The following RDX variants were observed in gnomAD, a reference collection of about 807,000 sequenced individuals.
RDX encodes deafness, autosomal recessive 24.
RDX carries 32 observed loss-of-function variants against 83.7 expected under a neutral mutation model. That is an observed-to-expected ratio of 0.38 (90% CI 0.29 to 0.51). The LOEUF (loss-of-function observed/expected upper bound fraction) is 0.51. RDX is among the 20% of genes least tolerant of loss of function. The pLI is 0.87. For synonymous variants in RDX, 229 were observed against 222.7 expected (o/e 1.03, Z -0.25); for missense variants, 600 against 689.9 (o/e 0.87, Z 1.46).
chr11:110,257,950 G>A (rs751540667), intron 6 of RDX, 37 bp from the exon 7 acceptor site: 2 of 1,593,926 alleles, frequency 1.3e-6, no homozygotes, highest in South Asian at 2.2e-5. Flanking sequence ...TATTTAAGTA[G>A]GAGCATATCA....
At chr11:110,224,890 A>C (rs913903980), downstream of RDX, among the ~76,000 whole-genome samples, 2 of 152,296 alleles carry the variant, frequency 1.3e-5, no homozygotes, top group African/African-American at 4.8e-5. Flanking sequence ...TATACTTTAC[A>C]TCACAACATG....
At chr11:110,246,301 C>CT (rs1468958971) in intron 10 of RDX, among the ~76,000 whole-genome samples, 13 of 152,228 alleles carry the variant, frequency 8.5e-5, no homozygotes, top group Admixed American at 5.9e-4. Context: ...GCTTTCCCCT[C>CT]TAGCTACTCT....
chr11:110,291,441 T>C (rs1330122092), intron 1 of RDX, among the ~76,000 whole-genome samples: 1 of 152,192 alleles, frequency 6.6e-6, no homozygotes, highest in Non-Finnish European at 1.5e-5. Context: ...CCATTACCCT[T>C]GCCAGTTGAC....
intron 3 of RDX, among the ~76,000 whole-genome samples, chr11:110,268,118 G>A (rs371264233): frequency 8.5e-5 from 13 of 152,128 alleles, no homozygotes; most frequent in African/African-American, 3.1e-4. Context: ...AACCAGCCTG[G>A]CCAACATGGT....
At chr11:110,284,599 C>A (rs1368724460) in intron 1 of RDX, among the ~76,000 whole-genome samples, 1 of 151,728 alleles carries the variant, frequency 6.6e-6, no homozygotes, top group African/African-American at 2.4e-5. Context: ...CGGCTCACTG[C>A]AAGCTCTGCC....
At chr11:110,192,124 CAACTTCA>C (rs1287330412) in intron 15 of RDX, among the ~76,000 whole-genome samples, 1 of 152,096 alleles carries the variant, frequency 6.6e-6, no homozygotes, top group Non-Finnish European at 1.5e-5. Context: ...TCACGTAACC[CAACTTCA>C]AACTATACTG....
intron 6 of RDX, 40 bp from the exon 7 acceptor site, chr11:110,257,953 G>C: frequency 6.3e-7 from 1 of 1,591,130 alleles, no homozygotes; most frequent in Non-Finnish European, 8.6e-7. Context: ...TTAAGTAGGA[G>C]CATATCAAAC....
chr11:110,296,340 G>A (rs1591197511), intron 1 of RDX, 127 bp downstream of exon 1: 2 of 151,980 alleles, frequency 1.3e-5, no homozygotes, highest in East Asian at 3.9e-4. Context: ...GCGAGCGGAG[G>A]CGCGCCAAGC....
chr11:110,194,592 T>C (rs1323514786), intron 15 of RDX, among the ~76,000 whole-genome samples: 2 of 152,322 alleles, frequency 1.3e-5, no homozygotes, highest in East Asian at 1.9e-4. Flanking sequence ...CTTCCACTTA[T>C]AATCAAGGAG....
chr11:110,181,127 G>A (rs1162364477), intron 15 of RDX, among the ~76,000 whole-genome samples: 1 of 150,820 alleles, frequency 6.6e-6, no homozygotes, highest in Non-Finnish European at 1.5e-5. Flanking sequence ...CAGGACCCAG[G>A]CTACACACAC....
chr11:110,254,128 G>A lies in RDX; in HGVS notation c.796-19C>T. On this transcript the variant is annotated intron_variant, in intron 8 of 13. Coordinates refer to ENST00000645495, the MANE Select transcript of RDX (RefSeq NM_002906.4). ...CAAAATCCTAAACATAAAGTATTCT[G>A]AATTTAAAATCTTCCTCAAGGATAC... The A allele has an allele frequency of 2.5e-6, 4 of 1,605,994 alleles. No homozygotes were observed. The highest frequency in any genetic ancestry group is 1.1e-5 in the South Asian group (1 of 90,828).
chr11:110,237,567 C>A lies in RDX; in HGVS notation c.1176G>T (p.Glu392Asp), dbSNP rs727505297. ...AKEEAERLEK[E>D]RRAAEEAKSA... ...ACTTTGCCTCTTCAGCAGCTCGACG[C>A]TCCTTTTCAAGTCGTTCTGCTTCTT... is the stretch of plus-strand genomic sequence containing the variant. Residue 392 changes from glutamate to aspartate, a missense_variant, in exon 11 of 14, where the codon GAG becomes GAT. Coordinates refer to ENST00000645495, the MANE Select transcript of RDX (RefSeq NM_002906.4). 10 of 1,613,974 alleles carry A rather than the reference C, an allele frequency of 6.2e-6. No homozygotes were observed. The highest frequency in any genetic ancestry group is 6.8e-6 in the Non-Finnish European group (8 of 1,180,044).
At chr11:110,275,446 ACATGGGTGCTGTTT>A (rs1860473556) in intron 2 of RDX, among the ~76,000 whole-genome samples, 1 of 152,296 alleles carries the variant, frequency 6.6e-6, no homozygotes, top group African/African-American at 2.4e-5. Context: ...GTGGGATAAT[ACATGGGTGCTGTTT>A]TATAACACTA....
rs1463640190 is a variant in RDX at position 110,212,147 on chromosome 11, G to C, written c.1749-12469C>G. ...AATAGACGCAATAAAAAATGATAAA[G>C]GGGATATCACCACCGATCCCACAGA... On this transcript the variant is annotated intron_variant, in intron 14 of 15. Transcript: ENST00000528498. Among the ~76,000 whole-genome samples, 287 of 148,510 alleles carry C rather than the reference G, an allele frequency of 1.9e-3. 1 individual carries two copies. The highest frequency in any genetic ancestry group is 6.8e-3 in the African/African-American group (278 of 40,662).
chr11:110,279,268 C>T (rs1860653917), intron 2 of RDX, among the ~76,000 whole-genome samples: 1 of 152,114 alleles, frequency 6.6e-6, no homozygotes, highest in Non-Finnish European at 1.5e-5. Flanking sequence ...GTGGCAGAAC[C>T]AAGGTAACAA....
At chr11:110,203,484 C>G (rs187101390) in intron 14 of RDX, among the ~76,000 whole-genome samples, 1 of 147,940 alleles carries the variant, frequency 6.8e-6, no homozygotes, top group East Asian at 2.0e-4. Context: ...TGACTATAAT[C>G]AATAATAATT....
intron 14 of RDX, among the ~76,000 whole-genome samples, chr11:110,207,606 G>A (rs1863652594): frequency 6.6e-6 from 1 of 151,824 alleles, no homozygotes; most frequent in Admixed American, 6.6e-5. Flanking sequence ...TGTGATTTAA[G>A]AATGTTTTTT....
At chr11:110,182,425 AC>A (rs1360501374) in intron 15 of RDX, among the ~76,000 whole-genome samples, 3 of 152,032 alleles carry the variant, frequency 2.0e-5, no homozygotes, top group African/African-American at 7.3e-5. Flanking sequence ...ACATGGCAAA[AC>A]CCCGTCTCTA....
chr11:110,280,104 A>G (rs1860694793), intron 1 of RDX, among the ~76,000 whole-genome samples: 1 of 152,236 alleles, frequency 6.6e-6, no homozygotes, highest in African/African-American at 2.4e-5. Flanking sequence ...TGTTAGAGAA[A>G]GGAACAATAA....
Sources: allele counts gnomAD v4.1 joint callset (sites outside exome capture counted in the v4.1 genomes callset), GRCh38; gene constraint gnomAD v4.1.1; transcripts MANE v1.5; gene names NCBI Gene and HGNC (gene_info 2026-07-23, HGNC 2026-07-21).